The following CACUL1 variants were observed in gnomAD, a reference collection of about 807,000 sequenced individuals.
CACUL1 encodes the protein CDK2 associated cullin domain 1, also known as CDK2-associated and cullin domain-containing protein 1.
Under a neutral mutation model 45.2 loss-of-function variants are expected in CACUL1, and 13 were observed. The ratio of observed to expected loss-of-function variants is 0.29; its 90% CI spans 0.19 to 0.46. The LOEUF (loss-of-function observed/expected upper bound fraction) is 0.46. Among genes scored for constraint, CACUL1 ranks in the 20% least tolerant of loss-of-function variants. The probability of loss-of-function intolerance (pLI) is 1.00; values close to 1 mark genes in which losing one functional copy is unlikely to be tolerated. For synonymous variants in CACUL1, 197 were observed against 174.2 expected (o/e 1.13, Z -1.03); for missense variants, 421 against 471.4 (o/e 0.89, Z 0.99).
chr10:118,689,705 C>T (rs1173521684), intron 7 of CACUL1, among the ~76,000 whole-genome samples: 1 of 151,404 alleles, frequency 6.6e-6, no homozygotes, highest in Non-Finnish European at 1.5e-5. Flanking sequence ...ATAAACCAAG[C>T]AGTCCTGCAC....
At position 118,677,638 on chromosome 10, in the gene CACUL1, T is replaced by G. The variant is rs952506057; in HGVS notation, c.*8490A>C. 6 of 152,364 alleles carry G rather than the reference T, an allele frequency of 3.9e-5. 1 individual carries two copies. In the East Asian group the frequency reaches 1.2e-3, roughly 29 times the overall value. 9.4% of individuals were successfully genotyped at this position (152,364 alleles called of 1,614,324 possible). A position where few individuals can be genotyped will look rare whatever the true frequency, so the allele number is the denominator to read the frequency against. On this transcript the variant is annotated 3_prime_UTR_variant, in exon 9 of 9. Transcript: ENST00000369151. Reference sequence around the variant, plus strand: ...CATAAAGGTACCCATGCTGGCTCTATTCTGACTTCACTCAATGATTTCTGA... The same window carrying G: ...CATAAAGGTACCCATGCTGGCTCTAGTCTGACTTCACTCAATGATTTCTGA...
intron 6 of CACUL1, 24 bp downstream of exon 6, chr10:118,695,117 C>T: frequency 7.3e-7 from 1 of 1,369,612 alleles, no homozygotes; most frequent in Non-Finnish European, 1.0e-6. Context: ...AGTTCCAATC[C>T]CAACAGAAAT....
In CACUL1 at chr10:118,680,963, TATAAC is replaced by T. The variant is rs535864940; in HGVS notation, c.*5160_*5164del. 130 of 152,314 alleles carry T rather than the reference TATAAC, an allele frequency of 8.5e-4. No homozygotes were observed. Among genetic ancestry groups the T allele is most frequent in the African/African-American group, 2.6e-3 (108 of 41,572 alleles). The allele number at this position is 152,314 out of a possible 1,614,324, so 9.4% of individuals were successfully genotyped here. On this transcript the variant is annotated 3_prime_UTR_variant, in exon 9 of 9. Coordinates refer to ENST00000369151, the MANE Select transcript of CACUL1 (RefSeq NM_153810.5). ...AGGCCAAGGACATCTGTACAGGATT[TATAAC>T]ATAACATAACAAGGCCAACGACATC...
At chr10:118,751,578 G>A (rs1019292141) in intron 1 of CACUL1, among the ~76,000 whole-genome samples, 4 of 151,920 alleles carry the variant, frequency 2.6e-5, no homozygotes, top group African/African-American at 4.8e-5. Flanking sequence ...TTCTGTTCTC[G>A]CACTTACACC....
At chr10:118,735,969 A>G (rs1179907166) in intron 1 of CACUL1, among the ~76,000 whole-genome samples, 9 of 152,248 alleles carry the variant, frequency 5.9e-5, no homozygotes, top group African/African-American at 2.2e-4. Flanking sequence ...ATGCTATCTA[A>G]AAGAAAAATG....
intron 1 of CACUL1, among the ~76,000 whole-genome samples, chr10:118,752,099 A>G (rs1039684239): frequency 4.6e-5 from 7 of 152,158 alleles, no homozygotes; most frequent in African/African-American, 1.7e-4. Context: ...TAGGTAGGTG[A>G]TCATATTATC....
At chr10:118,724,099 G>C (rs1235582091) in intron 3 of CACUL1, among the ~76,000 whole-genome samples, 1 of 152,052 alleles carries the variant, frequency 6.6e-6, no homozygotes, top group Non-Finnish European at 1.5e-5. Flanking sequence ...CAGGAATCAG[G>C]CTTTAGCAAA....
Position 118,726,846 on chromosome 10 carries a change from G to A in CACUL1, c.597+2449C>T, listed in dbSNP as rs149467849. ...TTTATAAGATGATATATATTAGCAC[G>A]TTTAATAAAGAGGCAAACACACAAA... is the stretch of plus-strand genomic sequence containing the variant. On this transcript the variant is annotated intron_variant, in intron 3 of 8. Transcript: ENST00000369151. Among the ~76,000 whole-genome samples, 621 of 152,046 alleles carry A rather than the reference G, an allele frequency of 4.1e-3. 6 individuals carry two copies. Among genetic ancestry groups the A allele is most frequent in the African/African-American group, 0.014 (593 of 41,452 alleles).
intron 1 of CACUL1, among the ~76,000 whole-genome samples, chr10:118,749,142 A>C (rs960909405): frequency 6.6e-6 from 1 of 152,246 alleles, no homozygotes; most frequent in Non-Finnish European, 1.5e-5. Context: ...TACTGAAAAA[A>C]ATGCTGTGGT....
At chr10:118,703,910 T>C (rs1041803951) in intron 4 of CACUL1, among the ~76,000 whole-genome samples, 2 of 152,210 alleles carry the variant, frequency 1.3e-5, no homozygotes, top group African/African-American at 2.4e-5. Context: ...TTCCAATTCA[T>C]GAAAGCTGAT....
At chr10:118,748,412 G>A (rs1845865615) in intron 1 of CACUL1, among the ~76,000 whole-genome samples, 1 of 152,150 alleles carries the variant, frequency 6.6e-6, no homozygotes, top group South Asian at 2.1e-4. Context: ...CTTGGTCATA[G>A]TATGTCACCC....
chr10:118,700,447 G>C (rs191573505), intron 5 of CACUL1, among the ~76,000 whole-genome samples: 170 of 152,222 alleles, frequency 1.1e-3, no homozygotes, highest in African/African-American at 3.9e-3. Flanking sequence ...GCCAGGTGCA[G>C]TGGCTCACGC....
At chr10:118,718,399 G>C (rs747768218) in intron 3 of CACUL1, among the ~76,000 whole-genome samples, 25 of 152,198 alleles carry the variant, frequency 1.6e-4, no homozygotes, top group Admixed American at 7.2e-4. Flanking sequence ...ACAAACTAGA[G>C]GCTGTGGGCC....
At chr10:118,701,582 C>G (rs190546094) in intron 4 of CACUL1, among the ~76,000 whole-genome samples, 174 bp from the exon 5 acceptor site, 1 of 152,094 alleles carries the variant, frequency 6.6e-6, no homozygotes, top group African/African-American at 2.4e-5. Context: ...CTTTCTGGCA[C>G]GGGGTGGAAA....
intron 1 of CACUL1, among the ~76,000 whole-genome samples, chr10:118,747,086 T>C (rs1279190635): frequency 1.3e-5 from 2 of 152,260 alleles, no homozygotes; most frequent in Middle Eastern, 3.4e-3. Context: ...GCGCACTCCT[T>C]ACCAGACTCT....
Position 118,677,523 on chromosome 10 carries a change from A to C in CACUL1, c.*8605T>G, listed in dbSNP as rs1263663122. Reference sequence around the variant, plus strand: ...CTCTCCTGAGGAAACTATGTTCCTGAATGTTAATAACTGTCTTTCCTTTAT... The same window carrying C: ...CTCTCCTGAGGAAACTATGTTCCTGCATGTTAATAACTGTCTTTCCTTTAT... On this transcript the variant is annotated 3_prime_UTR_variant, in exon 9 of 9. Transcript: ENST00000369151. The C allele has an allele frequency of 6.6e-6, 1 of 152,178 alleles. No homozygotes were observed. Among genetic ancestry groups the C allele is most frequent in the Non-Finnish European group, 1.5e-5 (1 of 68,022 alleles). 9.4% of individuals were successfully genotyped at this position (152,178 alleles called of 1,614,324 possible). A position where few individuals can be genotyped will look rare whatever the true frequency, so the allele number is the denominator to read the frequency against.
intron 3 of CACUL1, among the ~76,000 whole-genome samples, chr10:118,719,912 C>CA (rs1278924846): frequency 1.3e-5 from 2 of 151,704 alleles, no homozygotes; most frequent in Non-Finnish European, 2.9e-5. Context: ...GAATAATATC[C>CA]AAAAAATAGT....
chr10:118,691,681 C>T, intron 6 of CACUL1: 1 of 285,262 alleles, frequency 3.5e-6, no homozygotes, highest in Non-Finnish European at 6.7e-6. Context: ...TCCTGGCTAA[C>T]ATGGTGAAAC....
At chr10:118,706,701 T>C (rs1194865963) in intron 4 of CACUL1, among the ~76,000 whole-genome samples, 2 of 152,250 alleles carry the variant, frequency 1.3e-5, no homozygotes, top group Non-Finnish European at 2.9e-5. Flanking sequence ...AAACTCGTAC[T>C]ATTAAAATTG....
Sources: gnomAD v4.1 joint callset for allele counts (sites outside exome capture counted in the v4.1 genomes callset) on GRCh38, gnomAD v4.1.1 for gene constraint, MANE v1.5 for transcripts, NCBI Gene and HGNC (gene_info 2026-07-23, HGNC 2026-07-21) for gene names.